The following DLG2 variants were observed in gnomAD, a reference collection of about 807,000 sequenced individuals.
DLG2 encodes the protein disks large homolog 2.
A neutral mutation model predicts 132.5 loss-of-function variants in DLG2; 45 were observed. The observed-to-expected ratio is 0.34, with a 90% CI of 0.27 to 0.44. DLG2 has a LOEUF of 0.44. Among genes scored for constraint, DLG2 ranks in the 20% least tolerant of loss-of-function variants. The pLI, the probability that DLG2 is intolerant of heterozygous loss-of-function variation, is 1.00. For missense variants in DLG2, 1,045 were observed against 1,196.9 expected (o/e 0.87, Z 1.87); for synonymous variants, 424 against 419.6 (o/e 1.01, Z -0.13).
intron 12 of DLG2, among the ~76,000 whole-genome samples, chr11:83,968,323 G>C (rs940581145): frequency 6.6e-6 from 1 of 152,154 alleles, no homozygotes; most frequent in Admixed American, 6.6e-5. Context: ...CCTGACTGAT[G>C]TGTTTGAATG....
chr11:84,163,193 G>A (rs1370008850), intron 9 of DLG2, among the ~76,000 whole-genome samples: 1 of 152,122 alleles, frequency 6.6e-6, no homozygotes, highest in Non-Finnish European at 1.5e-5. Flanking sequence ...AGAACAAAGT[G>A]CTGTACAAGC....
intron 6 of DLG2, among the ~76,000 whole-genome samples, chr11:84,848,084 A>G (rs888815385): frequency 1.3e-5 from 2 of 152,156 alleles, no homozygotes; most frequent in African/African-American, 4.8e-5. Flanking sequence ...AGAACAGCGA[A>G]AAGAACTGAA....
intron 2 of DLG2, among the ~76,000 whole-genome samples, chr11:85,603,908 C>A (rs866426659): frequency 6.6e-6 from 1 of 152,130 alleles, no homozygotes; most frequent in East Asian, 1.9e-4. Flanking sequence ...CAGAGTGAGA[C>A]CCTGTCTCTA....
chr11:84,728,961 T>C (rs563223143), intron 6 of DLG2, among the ~76,000 whole-genome samples: 1 of 152,206 alleles, frequency 6.6e-6, no homozygotes, highest in East Asian at 1.9e-4. Flanking sequence ...TTTTATTGCA[T>C]CTATTTGATT....
chr11:85,326,414 A>T (rs1257782725), intron 3 of DLG2, among the ~76,000 whole-genome samples: 1 of 117,032 alleles, frequency 8.5e-6, no homozygotes, highest in East Asian at 3.1e-4. Flanking sequence ...TCAGACTAAC[A>T]GCGGATCTCT....
rs368159957 is a variant in DLG2, at chr11:83,884,138, G to A, written c.1497-9650C>T. 4.5e-4 allele frequency among the ~76,000 whole-genome samples: 68 copies of A among 152,338 alleles called. No individual in the cohort carries two copies. The East Asian group carries it at 0.012, about 27-fold the overall frequency. On this transcript the variant is annotated intron_variant, in intron 15 of 27. Coordinates refer to ENST00000376104, the MANE Select transcript of DLG2 (RefSeq NM_001142699.3). ...CCATGCGCGAGCCGAAGCAGGGCGA[G>A]GCATTGCCTCACTTGGGAAGCACAA... is the stretch of plus-strand genomic sequence containing the variant.
At chr11:84,749,203 C>T (rs1055832982) in intron 6 of DLG2, among the ~76,000 whole-genome samples, 1 of 152,124 alleles carries the variant, frequency 6.6e-6, no homozygotes, top group Admixed American at 6.5e-5. Context: ...AACTGTCTCA[C>T]TCACCTGCAA....
At chr11:85,620,166 G>A (rs1307408387) in intron 2 of DLG2, among the ~76,000 whole-genome samples, 4 of 152,138 alleles carry the variant, frequency 2.6e-5, no homozygotes, top group African/African-American at 7.2e-5. Context: ...ATTTGTTACA[G>A]TGATCTGTAA....
intron 3 of DLG2, among the ~76,000 whole-genome samples, chr11:85,581,833 G>A (rs560069238): frequency 3.3e-5 from 5 of 152,188 alleles, no homozygotes; most frequent in African/African-American, 9.6e-5. Context: ...GTTCTCTTTT[G>A]TTTGTTTTTA....
intron 6 of DLG2, among the ~76,000 whole-genome samples, chr11:84,827,252 G>A (rs931351880): frequency 5.9e-5 from 9 of 151,612 alleles, no homozygotes; most frequent in East Asian, 2.0e-4. Flanking sequence ...CACCGTGTTC[G>A]AGGGGGCATC....
intron 16 of DLG2, among the ~76,000 whole-genome samples, chr11:83,842,123 C>T (rs185285823): frequency 1.1e-3 from 165 of 152,226 alleles, no homozygotes; most frequent in African/African-American, 3.8e-3. Flanking sequence ...GGATGCTGAG[C>T]GAATGGAGAA....
At chr11:84,427,361 C>T (rs2098970272) in intron 7 of DLG2, among the ~76,000 whole-genome samples, 1 of 152,084 alleles carries the variant, frequency 6.6e-6, no homozygotes, top group Non-Finnish European at 1.5e-5. Flanking sequence ...TGGTTATCAC[C>T]ATTTTTAATA....
rs187742772 is a variant in DLG2, at chr11:84,574,284, A to G, written c.358-39553T>C. Among the ~76,000 whole-genome samples the G allele has an allele frequency of 3.3e-5, 5 of 152,272 alleles. No individual in the cohort carries two copies. The East Asian group carries it at 9.7e-4, about 29-fold the overall frequency. ...CTGTTACAGAGTTTATATCTTGAAA[A>G]TAAGATATTACAGGATGTTATATAC... On this transcript the variant is annotated intron_variant, in intron 6 of 27. Coordinates refer to ENST00000376104, the MANE Select transcript of DLG2 (RefSeq NM_001142699.3).
chr11:84,893,557 GAAGAGTCTGA>G (rs1228863693), intron 6 of DLG2, among the ~76,000 whole-genome samples: 1 of 152,126 alleles, frequency 6.6e-6, no homozygotes, highest in Non-Finnish European at 1.5e-5. Context: ...TAGGAATTCT[GAAGAGTCTGA>G]AAGTTTACTC....
At chr11:83,830,345 C>G (rs2054127379) in intron 17 of DLG2, among the ~76,000 whole-genome samples, 1 of 152,128 alleles carries the variant, frequency 6.6e-6, no homozygotes, top group Admixed American at 6.6e-5. Flanking sequence ...TGCGAGTTTT[C>G]TTTGTCAAGC....
At chr11:83,820,769 C>T (rs868182760) in intron 17 of DLG2, among the ~76,000 whole-genome samples, 1 of 152,138 alleles carries the variant, frequency 6.6e-6, no homozygotes, top group Admixed American at 6.6e-5. Context: ...AGTATAGGAA[C>T]AGCTTTTTCC....
intron 9 of DLG2, among the ~76,000 whole-genome samples, chr11:84,105,052 T>C (rs2092806798): frequency 6.6e-6 from 1 of 152,130 alleles, no homozygotes; most frequent in Non-Finnish European, 1.5e-5. Flanking sequence ...CAGACTTCAA[T>C]TACTATTTTC....
intron 6 of DLG2, among the ~76,000 whole-genome samples, chr11:84,689,116 A>G (rs915566305): frequency 1.3e-5 from 2 of 152,176 alleles, no homozygotes; most frequent in Non-Finnish European, 2.9e-5. Flanking sequence ...TCAACATTCA[A>G]AAACGTAAAT....
chr11:83,676,773 T>G (rs1357398388), intron 18 of DLG2, among the ~76,000 whole-genome samples: 1 of 152,202 alleles, frequency 6.6e-6, no homozygotes, highest in African/African-American at 2.4e-5. Flanking sequence ...AGCAGCCTTA[T>G]CTGTTACTGT....
Sources: gnomAD v4.1 joint callset for allele counts (sites outside exome capture counted in the v4.1 genomes callset) on GRCh38, gnomAD v4.1.1 for gene constraint, MANE v1.5 for transcripts, NCBI Gene and HGNC (gene_info 2026-07-23, HGNC 2026-07-21) for gene names.